Variants in CCDC102B observed in about 807,000 individuals in gnomAD.
CCDC102B encodes the protein coiled-coil domain containing 102B, also known as coiled-coil domain-containing protein 102B.
CCDC102B carries 75 observed loss-of-function variants against 57.4 expected under a neutral mutation model. The ratio of observed to expected loss-of-function variants is 1.31; its 90% confidence interval spans 1.08 to 1.58. The LOEUF is 1.58. CCDC102B is among the 40% of genes most tolerant of loss of function. CCDC102B has a pLI of 0.00. For synonymous variants in CCDC102B, 206 were observed against 201.9 expected, an observed-to-expected ratio of 1.02 and a Z score of -0.17; for missense variants, 636 against 582.6, an observed-to-expected ratio of 1.09 and a Z score of -0.94.
intron 1 of CCDC102B, among the ~76,000 whole-genome samples, chr18:68,831,084 C>T (rs1668638053): frequency 6.6e-6 from 1 of 151,860 alleles, no homozygotes; most frequent in Admixed American, 6.6e-5. Flanking sequence ...TTTTAAGCCC[C>T]TTAAAGCTTA....
intron 7 of CCDC102B, among the ~76,000 whole-genome samples, chr18:69,030,121 T>C (rs920680220): frequency 2.0e-5 from 3 of 152,226 alleles, no homozygotes; most frequent in African/African-American, 7.2e-5. Flanking sequence ...TTATTCAAAA[T>C]AGCCTAACAG....
rs1199319096 is a variant in CCDC102B at position 68,857,180 on chromosome 18, A to T, written c.936+10759A>T. On this transcript the variant is annotated intron_variant, in intron 4 of 7. Coordinates refer to ENST00000360242, the MANE Select transcript of CCDC102B (RefSeq NM_024781.3). Reference sequence around the variant, plus strand: ...TATATATTTTTATATAATATATAAAAATATATTTATATATTTTTATATAAT... The same window carrying T: ...TATATATTTTTATATAATATATAAATATATATTTATATATTTTTATATAAT... Among the ~76,000 whole-genome samples, 48 of 62,418 alleles carry T rather than the reference A, an allele frequency of 7.7e-4. 5 individuals carry two copies. Among genetic ancestry groups the T allele is most frequent in the South Asian group, 9.1e-4 (2 of 2,192 alleles). 40.9% of individuals were successfully genotyped at this position (62,418 alleles called of 152,430 possible).
chr18:68,718,018 A>G (rs1444542270), intron 2 of CCDC102B: 1 of 152,474 alleles, frequency 6.6e-6, no homozygotes, highest in East Asian at 1.9e-4. Flanking sequence ...GTGAAAACAC[A>G]ACAAGAAGGT....
At chr18:68,777,035 C>A (rs550320069) in intron 2 of CCDC102B, among the ~76,000 whole-genome samples, 1 of 152,064 alleles carries the variant, frequency 6.6e-6, no homozygotes, top group Non-Finnish European at 1.5e-5. Flanking sequence ...TATTTGTGAT[C>A]TTGGTTGAAT....
chr18:68,746,475 C>A (rs1394446312), intron 2 of CCDC102B, among the ~76,000 whole-genome samples: 1 of 152,106 alleles, frequency 6.6e-6, no homozygotes, highest in Non-Finnish European at 1.5e-5. Context: ...CCAAGCCATA[C>A]TGAGATTGCA....
intron 6 of CCDC102B, among the ~76,000 whole-genome samples, chr18:68,921,555 G>C (rs948755125): frequency 1.3e-5 from 2 of 152,172 alleles, no homozygotes; most frequent in Admixed American, 1.3e-4. Flanking sequence ...GTAATCACAA[G>C]GGTCCTTAAA....
At chr18:69,018,727 T>C (rs2051741284) in intron 7 of CCDC102B, among the ~76,000 whole-genome samples, 1 of 150,660 alleles carries the variant, frequency 6.6e-6, no homozygotes, top group Non-Finnish European at 1.5e-5. Context: ...TTAGTTTGCC[T>C]TTTCATTTTC....
chr18:68,893,639 A>G (rs531037701), intron 5 of CCDC102B, among the ~76,000 whole-genome samples: 1 of 152,274 alleles, frequency 6.6e-6, no homozygotes, highest in African/African-American at 2.4e-5. Context: ...GAGCAAAATG[A>G]CACAGTCCTG....
At chr18:68,983,038 G>A (rs1274527091) in intron 6 of CCDC102B, among the ~76,000 whole-genome samples, 1 of 151,748 alleles carries the variant, frequency 6.6e-6, no homozygotes, top group Non-Finnish European at 1.5e-5. Context: ...TAAAACGAGT[G>A]CTTTAATTAT....
intron 6 of CCDC102B, chr18:68,897,813 G>C (rs2040297783): frequency 5.7e-6 from 2 of 352,576 alleles, no homozygotes; most frequent in Non-Finnish European, 1.1e-5. Flanking sequence ...GCATTTGCTG[G>C]TAGCTATGGT....
At chr18:68,987,422 C>T (rs2050752267) in intron 6 of CCDC102B, among the ~76,000 whole-genome samples, 2 of 152,004 alleles carry the variant, frequency 1.3e-5, no homozygotes, top group African/African-American at 4.8e-5. Context: ...ATTTATTAGA[C>T]ATTTAAATGT....
intron 2 of CCDC102B, among the ~76,000 whole-genome samples, chr18:68,741,667 TCACACACACACACACACA>T (rs60407642): frequency 1.3e-3 from 183 of 140,370 alleles, no homozygotes; most frequent in African/African-American, 4.2e-3. Context: ...TGAAGACTGG[TCACACACACACACACACA>T]CACACACACA....
Sources: gnomAD v4.1 joint callset for allele counts (sites outside exome capture counted in the v4.1 genomes callset) on GRCh38, gnomAD v4.1.1 for gene constraint, MANE v1.5 for transcripts, NCBI Gene and HGNC (gene_info 2026-07-23, HGNC 2026-07-21) for gene names.